The following NAV3 variants were observed in gnomAD, a reference collection of about 807,000 sequenced individuals.
NAV3 encodes neuron navigator 3.
Under a neutral mutation model 244.7 loss-of-function variants are expected in NAV3, and 87 were observed. The observed-to-expected ratio is 0.36, with a 90% CI of 0.30 to 0.42. NAV3 has a LOEUF of 0.42. NAV3 is among the 20% of genes least tolerant of loss of function. The pLI, the probability that NAV3 is intolerant of heterozygous loss-of-function variation, is 1.00. For missense variants in NAV3, 2,663 were observed against 2,893.3 expected (o/e 0.92, Z 1.83); for synonymous variants, 1,126 against 1,042.2 (o/e 1.08, Z -1.55).
At chr12:77,681,414 T>C (rs1293977105) in intron 2 of NAV3, among the ~76,000 whole-genome samples, 2 of 152,168 alleles carry the variant, frequency 1.3e-5, no homozygotes, top group African/African-American at 4.8e-5. Context: ...TGTGAGTTCA[T>C]GGTAAAAGAG....
At chr12:78,152,714 T>C (rs1957123699) in intron 22 of NAV3, among the ~76,000 whole-genome samples, 1 of 152,022 alleles carries the variant, frequency 6.6e-6, no homozygotes, top group African/African-American at 2.4e-5. Flanking sequence ...ATGCATGTAC[T>C]TAAATTGATT....
intron 12 of NAV3, among the ~76,000 whole-genome samples, chr12:78,075,284 C>T (rs926222631): frequency 2.6e-5 from 4 of 152,082 alleles, no homozygotes; most frequent in South Asian, 2.1e-4. Context: ...TCTAAGCCAT[C>T]GGTTGGTTGT....
At chr12:77,929,020 C>A (rs1295413267) in intron 1 of NAV3, among the ~76,000 whole-genome samples, 1 of 152,084 alleles carries the variant, frequency 6.6e-6, no homozygotes, top group Non-Finnish European at 1.5e-5. Context: ...AGTACAGTAG[C>A]CTGCTGTGGT....
rs540390004 is a variant in NAV3 at position 77,873,679 on chromosome 12, G to GTGTATATATA, written c.243+41976_243+41977insGTATATATAT. 8.0e-3 allele frequency among the ~76,000 whole-genome samples: 853 copies of GTGTATATATA among 107,256 alleles called. 33 individuals are homozygous for GTGTATATATA. The highest frequency in any genetic ancestry group is 0.012 in the East Asian group (43 of 3,574). 70.4% of individuals were successfully genotyped at this position (107,256 alleles called of 152,430 possible). A position where few individuals can be genotyped will look rare whatever the true frequency, so the allele number is the denominator to read the frequency against. On this transcript the variant is annotated intron_variant, in intron 1 of 39. Coordinates refer to ENST00000397909, the MANE Select transcript of NAV3 (RefSeq NM_001024383.2). ...TTATATATATACATGATTTGTATGT[G>GTGTATATATA]TATATATATATATATATATATATAT...
At chr12:77,671,740 A>C (rs1283819961) in intron 2 of NAV3, among the ~76,000 whole-genome samples, 2 of 152,128 alleles carry the variant, frequency 1.3e-5, no homozygotes, top group Admixed American at 6.6e-5. Context: ...TTCATCTCTC[A>C]GCTTATACAA....
intron 2 of NAV3, among the ~76,000 whole-genome samples, chr12:77,766,735 G>GTTTGTTGTTTTTTTTTT: frequency 1.7e-5 from 1 of 60,514 alleles, no homozygotes; most frequent in East Asian, 5.0e-4. Flanking sequence ...AGGCAATTAA[G>GTTTGTTGTTTTTTTTTT]TTTTTTTTTT....
chr12:77,692,172 G>A (rs1875064183), intron 2 of NAV3, among the ~76,000 whole-genome samples: 1 of 151,854 alleles, frequency 6.6e-6, no homozygotes, highest in African/African-American at 2.4e-5. Flanking sequence ...AGAAGTACTA[G>A]GAGTACTAAG....
chr12:77,966,192 C>G, intron 3 of NAV3, 37 bp from the exon 4 acceptor site: 1 of 1,562,652 alleles, frequency 6.4e-7, no homozygotes, highest in Non-Finnish European at 8.8e-7. Flanking sequence ...AAAATATAAT[C>G]CTCTAAGTTG....
intron 3 of NAV3, among the ~76,000 whole-genome samples, chr12:77,945,279 G>C (rs1460849082): frequency 6.6e-6 from 1 of 152,152 alleles, no homozygotes; most frequent in Non-Finnish European, 1.5e-5. Flanking sequence ...GGAAGTAGAA[G>C]AGGAGGAAAT....
chr12:77,821,052 C>T (rs988697565), intron 2 of NAV3, among the ~76,000 whole-genome samples: 1 of 150,280 alleles, frequency 6.7e-6, no homozygotes, highest in Non-Finnish European at 1.5e-5. Context: ...CTGTCTCTGC[C>T]CATCACACAC....
In NAV3 at chr12:77,709,037, G is replaced by T. The variant is rs375740837; in HGVS notation, c.72+136771G>T. Among the ~76,000 whole-genome samples, 1,018 of 152,158 alleles carry T rather than the reference G, an allele frequency of 6.7e-3. 15 individuals are homozygous for T. Among genetic ancestry groups the T allele is most frequent in the South Asian group, 0.029 (142 of 4,824 alleles). ...ACAATTTGACTTCCTCTTTTCCTAA[G>T]TGAATACCCTTTGTTTCTTTCTCCT... is the stretch of plus-strand genomic sequence containing the variant. On this transcript the variant is annotated intron_variant, in intron 2 of 8. Coordinates refer to the NAV3 transcript ENST00000550042.
chr12:78,015,242 C>G (rs552740607), intron 8 of NAV3, among the ~76,000 whole-genome samples: 13 of 152,188 alleles, frequency 8.5e-5, no homozygotes, highest in African/African-American at 3.1e-4. Flanking sequence ...CTCATGTACA[C>G]TTCTCCCAGA....
At chr12:77,742,125 T>C (rs769439983) in intron 2 of NAV3, among the ~76,000 whole-genome samples, 15 of 152,100 alleles carry the variant, frequency 9.9e-5, no homozygotes, top group Non-Finnish European at 2.1e-4. Flanking sequence ...CTTTGATTAG[T>C]GATCCATTTT....
intron 2 of NAV3, among the ~76,000 whole-genome samples, chr12:77,596,359 CT>C (rs1378026695): frequency 6.6e-6 from 1 of 152,018 alleles, no homozygotes; most frequent in East Asian, 1.9e-4. Context: ...AAAGTGTAGC[CT>C]TTTATCAAAT....
intron 2 of NAV3, among the ~76,000 whole-genome samples, chr12:77,814,236 C>T (rs752106785): frequency 2.0e-5 from 3 of 151,712 alleles, no homozygotes; most frequent in Admixed American, 6.6e-5. Flanking sequence ...CATGTCCCTT[C>T]GTATGTGGAG....
At chr12:77,592,762 G>T (rs910541995) in intron 2 of NAV3, among the ~76,000 whole-genome samples, 2 of 152,118 alleles carry the variant, frequency 1.3e-5, no homozygotes, top group Non-Finnish European at 2.9e-5. Context: ...TCTGGCAGTC[G>T]ATTACCCAGG....
At chr12:77,963,047 A>G (rs941306163) in intron 3 of NAV3, among the ~76,000 whole-genome samples, 3 of 152,180 alleles carry the variant, frequency 2.0e-5, no homozygotes, top group Non-Finnish European at 2.9e-5. Flanking sequence ...TCAAATAATA[A>G]TGAAGGAAAA....
intron 1 of NAV3, among the ~76,000 whole-genome samples, chr12:77,935,416 C>G (rs1889229076): frequency 6.6e-6 from 1 of 152,088 alleles, no homozygotes; most frequent in Non-Finnish European, 1.5e-5. Context: ...GATGAAGCTA[C>G]AAGGTCATTA....
chr12:77,692,090 A>G (rs1760329832), intron 2 of NAV3, among the ~76,000 whole-genome samples: 1 of 152,008 alleles, frequency 6.6e-6, no homozygotes, highest in African/African-American at 2.4e-5. Context: ...GTGTACAACC[A>G]AGCTGGGAAG....
Sources: allele counts gnomAD v4.1 joint callset (sites outside exome capture counted in the v4.1 genomes callset), GRCh38; gene constraint gnomAD v4.1.1; transcripts MANE v1.5; gene names NCBI Gene and HGNC (gene_info 2026-07-23, HGNC 2026-07-21).